Variants in LINGO2 observed in about 807,000 individuals in gnomAD.
The protein encoded by LINGO2 is leucine-rich repeat and immunoglobulin-like domain-containing nogo receptor-interacting protein 2.
Under a neutral mutation model 30.6 loss-of-function variants are expected in LINGO2, and 14 were observed. The ratio of observed to expected loss-of-function variants is 0.46; its 90% CI spans 0.30 to 0.72. LINGO2 has a LOEUF of 0.72. Among genes scored for constraint, LINGO2 ranks in the 30% least tolerant of loss-of-function variants. The probability of loss-of-function intolerance (pLI) is 0.07; values close to 1 mark genes in which losing one functional copy is unlikely to be tolerated. For missense variants in LINGO2, 729 were observed against 751.7 expected (o/e 0.97, Z 0.35); for synonymous variants, 317 against 288.5 (o/e 1.10, Z -1.00).
intron 4 of LINGO2, among the ~76,000 whole-genome samples, chr9:28,168,822 T>G (rs950629746): frequency 4.6e-5 from 7 of 152,366 alleles, no homozygotes; most frequent in Admixed American, 4.6e-4. Context: ...AGCTGTCACC[T>G]CCATTTTCAC....
At chr9:28,814,501 T>C in the LINGO2 span, among the ~76,000 whole-genome samples, 1 of 152,198 alleles carries the variant, frequency 6.6e-6, no homozygotes, top group East Asian at 1.9e-4. Context: ...CACCGTCTTT[T>C]TCCAGACTAC....
At chr9:28,345,378 GA>G (rs1395717453) in intron 3 of LINGO2, among the ~76,000 whole-genome samples, 6 of 152,120 alleles carry the variant, frequency 3.9e-5, no homozygotes, top group Admixed American at 2.0e-4. Flanking sequence ...ATCATGAACT[GA>G]AAAAGTTTGA....
intron 2 of LINGO2, among the ~76,000 whole-genome samples, chr9:28,433,017 T>C (rs1256504813): frequency 6.6e-6 from 1 of 152,078 alleles, no homozygotes; most frequent in East Asian, 1.9e-4. Context: ...ATCCCAATCT[T>C]GGATTTTCTT....
At chr9:29,074,990 C>T in the LINGO2 span, among the ~76,000 whole-genome samples, 2 of 152,004 alleles carry the variant, frequency 1.3e-5, no homozygotes, top group African/African-American at 4.8e-5. Context: ...TTTTAAATTA[C>T]TTTCAAACTT....
intron 1 of LINGO2, among the ~76,000 whole-genome samples, chr9:28,483,195 A>G (rs1020004022): frequency 2.0e-5 from 3 of 152,102 alleles, no homozygotes; most frequent in Admixed American, 1.3e-4. Context: ...TAACTCTATT[A>G]TCATCATTTG....
At chr9:29,194,993 C>A in the LINGO2 span, among the ~76,000 whole-genome samples, 1 of 152,172 alleles carries the variant, frequency 6.6e-6, no homozygotes, top group African/African-American at 2.4e-5. Flanking sequence ...AGCTCCAACA[C>A]TTCAAGGAAT....
the LINGO2 span, among the ~76,000 whole-genome samples, chr9:29,086,246 T>C: frequency 6.6e-6 from 1 of 152,204 alleles, no homozygotes; most frequent in Non-Finnish European, 1.5e-5. Context: ...AAGAGTTAAT[T>C]AAGAATAATA....
the LINGO2 span, among the ~76,000 whole-genome samples, chr9:29,129,872 A>G: frequency 6.6e-6 from 1 of 152,148 alleles, no homozygotes; most frequent in Non-Finnish European, 1.5e-5. Context: ...AAATAAAATG[A>G]CTGGTTGTTT....
the LINGO2 span, among the ~76,000 whole-genome samples, chr9:28,855,908 G>T: frequency 1.3e-5 from 2 of 152,030 alleles, no homozygotes; most frequent in Non-Finnish European, 2.9e-5. Flanking sequence ...CAATATTCAG[G>T]CTTTCTAGCT....
At chr9:29,087,068 G>A in the LINGO2 span, among the ~76,000 whole-genome samples, 4 of 152,176 alleles carry the variant, frequency 2.6e-5, no homozygotes, top group Admixed American at 6.5e-5. Context: ...GTAGAGACGG[G>A]GTTTCACCAT....
intron 4 of LINGO2, among the ~76,000 whole-genome samples, chr9:28,034,802 T>C (rs1823853270): frequency 6.6e-6 from 1 of 152,260 alleles, no homozygotes; most frequent in African/African-American, 2.4e-5. Flanking sequence ...CTTCTTAAAT[T>C]GCTTTTCTTC....
At chr9:28,659,458 C>A (rs1481453588) in intron 1 of LINGO2, among the ~76,000 whole-genome samples, 1 of 146,906 alleles carries the variant, frequency 6.8e-6, no homozygotes, top group Non-Finnish European at 1.5e-5. Context: ...CCTTTTTTAT[C>A]TTTTTTTTTT....
At chr9:28,036,639 C>T (rs1470203761) in intron 4 of LINGO2, among the ~76,000 whole-genome samples, 1 of 152,172 alleles carries the variant, frequency 6.6e-6, no homozygotes, top group Non-Finnish European at 1.5e-5. Context: ...AAGACTTTAG[C>T]CCAAAGATTG....
intron 1 of LINGO2, among the ~76,000 whole-genome samples, chr9:28,508,918 T>G (rs1820259922): frequency 6.6e-6 from 1 of 152,108 alleles, no homozygotes; most frequent in Non-Finnish European, 1.5e-5. Flanking sequence ...AATAAATTTA[T>G]GGAGTGGTTG....
At chr9:29,116,205 C>T in the LINGO2 span, among the ~76,000 whole-genome samples, 1 of 151,826 alleles carries the variant, frequency 6.6e-6, no homozygotes, top group Admixed American at 6.6e-5. Context: ...TTGTTTCTAA[C>T]TAATAGACTC....
chr9:28,759,879 TA>T, the LINGO2 span, among the ~76,000 whole-genome samples: 1 of 151,844 alleles, frequency 6.6e-6, no homozygotes, highest in African/African-American at 2.4e-5. Flanking sequence ...TAGAAGAGGG[TA>T]AAACATGGGT....
intron 1 of LINGO2, among the ~76,000 whole-genome samples, chr9:28,527,902 T>C (rs1320361431): frequency 6.6e-6 from 1 of 152,210 alleles, no homozygotes; most frequent in Non-Finnish European, 1.5e-5. Context: ...AAAGATCTTA[T>C]ATAGGGCTTT....
At chr9:29,106,756 C>A in the LINGO2 span, among the ~76,000 whole-genome samples, 2 of 152,072 alleles carry the variant, frequency 1.3e-5, no homozygotes, top group South Asian at 2.1e-4. Flanking sequence ...TATTTTAATT[C>A]TCACAGTAAA....
chr9:28,618,088 CTCAGG>C (rs1355302443), intron 1 of LINGO2, among the ~76,000 whole-genome samples: 1 of 152,096 alleles, frequency 6.6e-6, no homozygotes, highest in Non-Finnish European at 1.5e-5. Flanking sequence ...AGCTCAAGAG[CTCAGG>C]TTTTGATTAT....
Sources: gnomAD v4.1 joint callset for allele counts (sites outside exome capture counted in the v4.1 genomes callset) on GRCh38, gnomAD v4.1.1 for gene constraint, MANE v1.5 for transcripts, NCBI Gene and HGNC (gene_info 2026-07-23, HGNC 2026-07-21) for gene names.